DHRS2: variants seen among roughly 807,000 people sequenced by gnomAD.
DHRS2 encodes dehydrogenase/reductase 2.
A neutral mutation model predicts 26.3 loss-of-function variants in DHRS2; 29 were observed. The observed-to-expected ratio is 1.10, with a 90% CI of 0.82 to 1.50. DHRS2 has a LOEUF of 1.50. DHRS2 is among the 40% of genes most tolerant of loss of function. DHRS2 has a pLI of 0.00. For missense variants in DHRS2, 439 were observed against 367.1 expected (o/e 1.20, Z -1.60); for synonymous variants, 164 against 151.3 (o/e 1.08, Z -0.62).
At chr14:23,632,439 G>T (rs1594232787), upstream of DHRS2, among the ~76,000 whole-genome samples, 1 of 152,292 alleles carries the variant, frequency 6.6e-6, no homozygotes, top group African/African-American at 2.4e-5. Flanking sequence ...GAAAGAGGGA[G>T]GAGGTCTAGG....
In DHRS2 at chr14:23,639,280, A is replaced by AG; in HGVS notation, c.247dup (p.Glu83GlyfsTer16). On this transcript the variant is annotated frameshift_variant, in exon 3 of 9. Transcript: ENST00000250383. LOFTEE classifies it high-confidence loss of function. ...GTGGACCGGGCCATGGCCAAGCTGCAGGGGGAGGGGCTGAGTGTGGCGGGC... is the reference window on the plus strand; with the variant it reads ...GTGGACCGGGCCATGGCCAAGCTGCAGGGGGGAGGGGCTGAGTGTGGCGGGC... 5 of 1,609,672 alleles carry AG rather than the reference A, an allele frequency of 3.1e-6. No homozygotes were observed. The highest frequency in any genetic ancestry group is 4.2e-6 in the Non-Finnish European group (5 of 1,177,876).
At chr14:23,637,324 C>T (rs773504233) in intron 1 of DHRS2, among the ~76,000 whole-genome samples, 1 of 152,162 alleles carries the variant, frequency 6.6e-6, no homozygotes, top group African/African-American at 2.4e-5. Context: ...CCTGGGCTCA[C>T]CAATCAGAAA....
chr14:23,639,190 C>A lies in DHRS2; in HGVS notation c.152C>A (p.Ala51Asp). The change falls in exon 3 of 9, where the codon GCC becomes GAC. Residue 51 changes from alanine to aspartate, a missense_variant. Ala to Asp is a moderately radical substitution (Grantham distance 126, BLOSUM62 -2). Transcript: ENST00000250383. ...ATCTCTGCATTCAGGATCGGCTTTG[C>A]CATCGCCCGACGTCTGGCCCGGGAC... ...VTGSTSGIGF[A>D]IARRLARDGA... The A allele has an allele frequency of 6.2e-7, 1 of 1,613,370 alleles. No individual in the cohort carries two copies. The highest frequency in any genetic ancestry group is 8.5e-7 in the Non-Finnish European group (1 of 1,179,772).
intron 5 of DHRS2, chr14:23,643,665 T>C (rs571174657): frequency 3.6e-6 from 1 of 278,694 alleles, no homozygotes; most frequent in Admixed American, 4.6e-5. Context: ...CAGATCTGAC[T>C]GTACCCCTCA....
At position 23,643,139 on chromosome 14, in the gene DHRS2, GCT is replaced by G; in HGVS notation, c.421-10_421-9del. On this transcript the variant is annotated splice_polypyrimidine_tract_variant and intron_variant, in intron 4 of 8. Coordinates refer to ENST00000250383, the MANE Select transcript of DHRS2 (RefSeq NM_005794.4). ...GTCTCTCTGCCCTCACCCATGCTCT[GCT>G]CTGATTTCAGATCCTAAGTGTGAAC... The G allele has an allele frequency of 6.2e-7, 1 of 1,613,942 alleles. No homozygotes were observed. The highest frequency in any genetic ancestry group is 1.1e-5 in the South Asian group (1 of 91,026).
At chr14:23,643,046 A>G in intron 4 of DHRS2, 106 bp from the exon 5 acceptor site, 3 of 1,066,964 alleles carry the variant, frequency 2.8e-6, no homozygotes, top group East Asian at 2.4e-5. Flanking sequence ...ATATGCACAT[A>G]CATTGGGTCT....
chr14:23,637,004 C>T (rs1294998486), intron 1 of DHRS2, among the ~76,000 whole-genome samples: 1 of 152,160 alleles, frequency 6.6e-6, no homozygotes, highest in African/African-American at 2.4e-5. Flanking sequence ...TACTTCTGGG[C>T]TGAGCTGAGG....
chr14:23,640,123 C>T (rs1236524121), intron 4 of DHRS2: 4 of 710,658 alleles, frequency 5.6e-6, no homozygotes, highest in Non-Finnish European at 7.7e-6. Flanking sequence ...TTTGTTTTCT[C>T]TTCTCATCAC....
chr14:23,636,973 A>G (rs1890334568), intron 1 of DHRS2, among the ~76,000 whole-genome samples: 2 of 152,162 alleles, frequency 1.3e-5, no homozygotes, highest in African/African-American at 4.8e-5. Flanking sequence ...TTTTGCCTGG[A>G]ACCAGCTTCC....
At chr14:23,640,426 C>CCTG in intron 4 of DHRS2, 2 of 985,478 alleles carry the variant, frequency 2.0e-6, no homozygotes, top group Non-Finnish European at 2.4e-6. Flanking sequence ...GACATCCCAG[C>CCTG]CTGCTGTAAG....
chr14:23,636,224 C>T (rs1309994706), upstream of DHRS2: 5 of 152,142 alleles, frequency 3.3e-5, no homozygotes, highest in African/African-American at 7.2e-5. Flanking sequence ...TCTGTCAAAA[C>T]GGACCAATCA....
chr14:23,639,956 A>T, intron 4 of DHRS2, 61 bp downstream of exon 4: 1 of 1,352,520 alleles, frequency 7.4e-7, no homozygotes, highest in Non-Finnish European at 9.8e-7. Flanking sequence ...ACTGGGCTCC[A>T]GCATGCCTGT....
At chr14:23,634,231 C>A (rs934326992), upstream of DHRS2, among the ~76,000 whole-genome samples, 2 of 151,990 alleles carry the variant, frequency 1.3e-5, no homozygotes, top group African/African-American at 4.8e-5. Flanking sequence ...CCACACCTGG[C>A]TAATTTTTGT....
intron 5 of DHRS2, 184 bp from the exon 6 acceptor site, chr14:23,643,926 AG>A: frequency 1.6e-6 from 1 of 626,876 alleles, no homozygotes; most frequent in South Asian, 1.9e-5. Flanking sequence ...ATGGAATCCT[AG>A]CTCTGCCGTG....
At chr14:23,639,115 T>G in intron 2 of DHRS2, 64 bp from the exon 3 acceptor site, 1 of 1,596,414 alleles carries the variant, frequency 6.3e-7, no homozygotes, top group East Asian at 2.2e-5. Flanking sequence ...TTTCCAGAGC[T>G]GGGTAGAGGA....
intron 1 of DHRS2, among the ~76,000 whole-genome samples, chr14:23,637,670 G>A (rs1289297733): frequency 1.3e-5 from 2 of 151,994 alleles, no homozygotes; most frequent in African/African-American, 4.8e-5. Flanking sequence ...GATTTTTCTC[G>A]GTCCTCCTCA....
At chr14:23,644,687 G>A in intron 7 of DHRS2, 140 bp from the exon 8 acceptor site, 1 of 1,480,232 alleles carries the variant, frequency 6.8e-7, no homozygotes, top group Non-Finnish European at 9.4e-7. Context: ...CAGCCATGGT[G>A]CAGTCCATCC....
At chr14:23,639,939 G>C (rs757111826) in intron 4 of DHRS2, 44 bp downstream of exon 4, 2 of 1,468,912 alleles carry the variant, frequency 1.4e-6, no homozygotes, top group Non-Finnish European at 9.1e-7. Context: ...CCCGATTCCA[G>C]CTCTGCACTG....
At chr14:23,637,160 C>T (rs534453574) in intron 1 of DHRS2, among the ~76,000 whole-genome samples, 6 of 152,272 alleles carry the variant, frequency 3.9e-5, no homozygotes, top group African/African-American at 1.4e-4. Flanking sequence ...CTCGCTGGGT[C>T]CTAATGCCTG....
Sources: gnomAD v4.1 joint callset for allele counts (sites outside exome capture counted in the v4.1 genomes callset) on GRCh38, gnomAD v4.1.1 for gene constraint, MANE v1.5 for transcripts, NCBI Gene and HGNC (gene_info 2026-07-23, HGNC 2026-07-21) for gene names.